The following SLC9D1 variants were observed in gnomAD, a reference collection of about 807,000 sequenced individuals.
SLC9D1 encodes putative LAG1-interacting protein.
At chr13:113,526,495 G>T in the SLC9D1 span, among the ~76,000 whole-genome samples, 1 of 152,050 alleles carries the variant, frequency 6.6e-6, no homozygotes, top group Non-Finnish European at 1.5e-5. Context: ...AAGGCGGGAG[G>T]ATTGCTTGAG....
At chr13:113,517,961 A>G in the SLC9D1 span, among the ~76,000 whole-genome samples, 2 of 152,172 alleles carry the variant, frequency 1.3e-5, no homozygotes, top group Non-Finnish European at 2.9e-5. Flanking sequence ...TGAAGCAAAT[A>G]TGTTACAGGT....
chr13:113,530,623 A>G, the SLC9D1 span: 1 of 152,216 alleles, frequency 6.6e-6, no homozygotes, highest in Admixed American at 6.5e-5. Context: ...TTGCAACATA[A>G]TAGACTCTGC....
chr13:113,492,939 A>G, the SLC9D1 span, among the ~76,000 whole-genome samples: 87 of 152,316 alleles, frequency 5.7e-4, 1 homozygote, highest in South Asian at 0.017. Context: ...ACAGGAATCC[A>G]AAGTGTCTTT....
At chr13:113,537,179 CCTT>C in the SLC9D1 span, among the ~76,000 whole-genome samples, 2 of 152,092 alleles carry the variant, frequency 1.3e-5, no homozygotes, top group Non-Finnish European at 2.9e-5. Flanking sequence ...ATTTTTTTGT[CCTT>C]CTTAAAAATT....
At chr13:113,534,878 G>A in the SLC9D1 span, 2 of 151,598 alleles carry the variant, frequency 1.3e-5, no homozygotes, top group African/African-American at 2.4e-5. Flanking sequence ...TCAGGAGATC[G>A]AGACCATCCT....
chr13:113,501,635 C>T, the SLC9D1 span: 4 of 773,042 alleles, frequency 5.2e-6, no homozygotes, highest in Admixed American at 2.5e-5. Flanking sequence ...TGTCTTCACC[C>T]TTCATTCCCA....
At chr13:113,506,446 A>G in the SLC9D1 span, among the ~76,000 whole-genome samples, 3 of 99,396 alleles carry the variant, frequency 3.0e-5, no homozygotes, top group Non-Finnish European at 5.8e-5. Context: ...GGAGCCTGTT[A>G]TAGGGGGTTT....
At chr13:113,517,327 G>T in the SLC9D1 span, among the ~76,000 whole-genome samples, 3 of 152,192 alleles carry the variant, frequency 2.0e-5, no homozygotes, top group East Asian at 5.8e-4. Flanking sequence ...CCACCTCCCG[G>T]GTTCACGCCA....
the SLC9D1 span, chr13:113,520,829 T>C: frequency 2.2e-6 from 2 of 903,224 alleles, no homozygotes; most frequent in South Asian, 3.0e-5. Flanking sequence ...TGTTCTGAGC[T>C]CAGATGGCTC....
At chr13:113,495,973 TGAA>T in the SLC9D1 span, 2 of 1,613,184 alleles carry the variant, frequency 1.2e-6, no homozygotes, top group Non-Finnish European at 1.7e-6. Context: ...GTCGTGAACA[TGAA>T]GGAGAGCAGC....
At chr13:113,526,331 AGTCAAAAAGT>A in the SLC9D1 span, among the ~76,000 whole-genome samples, 1 of 152,250 alleles carries the variant, frequency 6.6e-6, no homozygotes, top group Non-Finnish European at 1.5e-5. Context: ...ATTACAAAAG[AGTCAAAAAGT>A]TTTTAAAAAC....
the SLC9D1 span, among the ~76,000 whole-genome samples, chr13:113,547,631 C>G: frequency 2.0e-5 from 3 of 152,172 alleles, no homozygotes; most frequent in Non-Finnish European, 4.4e-5. Context: ...CCTTTTGGGA[C>G]CCTCAGGACG....
the SLC9D1 span, chr13:113,534,070 C>A: frequency 1.2e-6 from 2 of 1,606,502 alleles, no homozygotes; most frequent in Non-Finnish European, 8.5e-7. Flanking sequence ...TCTCCGAATC[C>A]TGGTTTTGAT....
At chr13:113,498,212 C>T in the SLC9D1 span, 1 of 671,306 alleles carries the variant, frequency 1.5e-6, no homozygotes, top group South Asian at 2.7e-5. Context: ...CGTGACTTCC[C>T]TAGCTGACCA....
the SLC9D1 span, among the ~76,000 whole-genome samples, chr13:113,511,443 C>T: frequency 6.6e-6 from 1 of 152,146 alleles, no homozygotes; most frequent in African/African-American, 2.4e-5. Flanking sequence ...CATGTGGGAC[C>T]CACATGTGCC....
chr13:113,516,437 C>T, the SLC9D1 span, among the ~76,000 whole-genome samples: 3 of 151,828 alleles, frequency 2.0e-5, no homozygotes, highest in East Asian at 1.9e-4. Flanking sequence ...TGGTGGCACA[C>T]GCCTGTAATC....
the SLC9D1 span, among the ~76,000 whole-genome samples, chr13:113,531,381 A>G: frequency 3.9e-5 from 6 of 152,280 alleles, no homozygotes; most frequent in Non-Finnish European, 8.8e-5. Flanking sequence ...ACACGCTGAG[A>G]CAGTCAGAAC....
the SLC9D1 span, chr13:113,535,388 AC>A: frequency 6.6e-6 from 1 of 152,128 alleles, no homozygotes; most frequent in Non-Finnish European, 1.5e-5. This position sits in a 1 kb window ranked among gnomAD's most constrained non-coding sequence, Gnocchi z 4.1. Context: ...GCACCTGGGC[AC>A]CGTCACCATT....
the SLC9D1 span, chr13:113,539,361 C>T: frequency 3.7e-6 from 6 of 1,612,180 alleles, no homozygotes; most frequent in African/African-American, 2.7e-5. This position sits in a 1 kb window ranked among gnomAD's most constrained non-coding sequence, Gnocchi z 4.8. Context: ...TCTCAGGTCA[C>T]GGAGCTGCTG....
Sources: gnomAD v4.1 joint callset for allele counts (sites outside exome capture counted in the v4.1 genomes callset) on GRCh38, gnomAD v4.1.1 for gene constraint, Gnocchi (gnomAD v3.1) non-coding constraint, MANE v1.5 for transcripts, NCBI Gene and HGNC (gene_info 2026-07-23, HGNC 2026-07-21) for gene names.